The following LPP variants were observed in gnomAD, a reference collection of about 807,000 sequenced individuals.
LPP encodes lipoma-preferred partner.
A neutral mutation model predicts 60.4 loss-of-function variants in LPP; 38 were observed. That is an observed-to-expected ratio of 0.63 (90% CI 0.49 to 0.83). LPP has a LOEUF of 0.83. Among genes scored for constraint, LPP ranks in the 40% least tolerant of loss-of-function variants. LPP has a pLI of 0.00. For synonymous variants in LPP, 328 were observed against 290.8 expected (o/e 1.13, Z -1.30); for missense variants, 902 against 783.6 (o/e 1.15, Z -1.80).
At chr3:188,814,021 G>A (rs917169848) in intron 9 of LPP, among the ~76,000 whole-genome samples, 11 of 152,058 alleles carry the variant, frequency 7.2e-5, no homozygotes, top group Non-Finnish European at 4.4e-5. Context: ...GCAGTGAGCC[G>A]AGATTGTGCC....
intron 3 of LPP, among the ~76,000 whole-genome samples, chr3:188,366,153 G>C (rs905572593): frequency 6.6e-6 from 1 of 152,104 alleles, no homozygotes; most frequent in African/African-American, 2.4e-5. Flanking sequence ...TTCTGTGCCT[G>C]GCTTAGTTCC....
chr3:188,853,787 T>C (rs1291668134), intron 9 of LPP, among the ~76,000 whole-genome samples: 1 of 152,156 alleles, frequency 6.6e-6, no homozygotes, highest in African/African-American at 2.4e-5. Flanking sequence ...TAGCTTAAAC[T>C]GAACACAGAC....
chr3:188,250,710 TTTTC>T (rs1225678127), intron 2 of LPP, among the ~76,000 whole-genome samples: 1 of 148,726 alleles, frequency 6.7e-6, no homozygotes, highest in Non-Finnish European at 1.5e-5. Flanking sequence ...TTCCTCTTTC[TTTTC>T]TTTCTTTCTC....
intron 2 of LPP, among the ~76,000 whole-genome samples, chr3:188,256,270 A>T (rs1479943349): frequency 6.6e-6 from 1 of 152,212 alleles, no homozygotes; most frequent in Non-Finnish European, 1.5e-5. Flanking sequence ...ACCTTAGTTA[A>T]TGAATATTAG....
intron 2 of LPP, among the ~76,000 whole-genome samples, chr3:188,313,515 G>C (rs930029763): frequency 6.6e-6 from 1 of 151,980 alleles, no homozygotes; most frequent in African/African-American, 2.4e-5. Context: ...GCGGGCACCT[G>C]TAGTCCCAGC....
rs1769554077 is a variant in LPP at position 188,878,759 on chromosome 3, T to TAAAAAAAAAAAAAAAAGAA, written c.*4282_*4300dup. On this transcript the variant is annotated 3_prime_UTR_variant, in exon 12 of 12. Coordinates refer to ENST00000617246, the MANE Select transcript of LPP (RefSeq NM_001375462.1). ...ATATACTCACCAAAAAGTAAAAAAGTAAAAAAAAAAAAAAAAGAAAGAAAG... is the reference window on the plus strand; with the variant it reads ...ATATACTCACCAAAAAGTAAAAAAGTAAAAAAAAAAAAAAAAGAAAAAAAAAAAAAAAAAAGAAAGAAAG... The TAAAAAAAAAAAAAAAAGAA allele has an allele frequency of 6.5e-6, 1 of 153,928 alleles. No individual in the cohort carries two copies. Among genetic ancestry groups the TAAAAAAAAAAAAAAAAGAA allele is most frequent in the African/African-American group, 2.9e-5 (1 of 34,834 alleles). The allele number at this position is 153,928 out of a possible 1,614,324, so 9.5% of individuals were successfully genotyped here. A position where few individuals can be genotyped will look rare whatever the true frequency, so the allele number is the denominator to read the frequency against.
intron 1 of LPP, among the ~76,000 whole-genome samples, chr3:188,211,831 CTT>C (rs34294160): frequency 3.5e-5 from 5 of 144,646 alleles, no homozygotes; most frequent in South Asian, 2.2e-4. Context: ...TGTTCTTTTT[CTT>C]TTTTTTTTTT....
At chr3:188,726,981 A>G (rs572837494) in intron 8 of LPP, among the ~76,000 whole-genome samples, 3 of 152,272 alleles carry the variant, frequency 2.0e-5, no homozygotes, top group Non-Finnish European at 2.9e-5. Context: ...TTTAATCCAA[A>G]TCTCTTAGTT....
At chr3:188,493,650 C>G (rs1809050191) in intron 5 of LPP, among the ~76,000 whole-genome samples, 1 of 151,982 alleles carries the variant, frequency 6.6e-6, no homozygotes. Flanking sequence ...GCTATTTTGG[C>G]CAGGCTGATC....
intron 7 of LPP, among the ~76,000 whole-genome samples, chr3:188,625,577 A>G (rs186245019): frequency 8.9e-4 from 135 of 152,272 alleles, no homozygotes; most frequent in Admixed American, 1.7e-3. Flanking sequence ...TACTATATAG[A>G]TCATTGAATC....
At chr3:188,642,078 T>G (rs989222073) in intron 7 of LPP, among the ~76,000 whole-genome samples, 1 of 151,040 alleles carries the variant, frequency 6.6e-6, no homozygotes, top group African/African-American at 2.4e-5. Flanking sequence ...TACTTCATAT[T>G]CATGAGCCTG....
At chr3:188,681,137 C>G (rs1490796126) in intron 7 of LPP, among the ~76,000 whole-genome samples, 1 of 152,000 alleles carries the variant, frequency 6.6e-6, no homozygotes, top group East Asian at 1.9e-4. Flanking sequence ...GCTGGGACTA[C>G]AGGTGCACAC....
At chr3:188,732,042 G>A (rs143461149) in intron 8 of LPP, among the ~76,000 whole-genome samples, 23 of 152,260 alleles carry the variant, frequency 1.5e-4, no homozygotes, top group Non-Finnish European at 2.4e-4. Context: ...TGTTCACCCC[G>A]ACTCCCATCC....
intron 3 of LPP, among the ~76,000 whole-genome samples, chr3:188,385,835 T>C (rs1169507529): frequency 6.6e-6 from 1 of 152,184 alleles, no homozygotes; most frequent in Non-Finnish European, 1.5e-5. Flanking sequence ...TGATAAAGTC[T>C]GCATTAGAAA....
intron 7 of LPP, among the ~76,000 whole-genome samples, chr3:188,667,171 G>A (rs1326646570): frequency 6.6e-6 from 1 of 152,104 alleles, no homozygotes; most frequent in African/African-American, 2.4e-5. Flanking sequence ...GGAAGGATGT[G>A]AGTCCTAAAA....
In LPP at chr3:188,888,655, C is replaced by T; in HGVS notation, c.*14176C>T. 4.5e-6 allele frequency: 1 copy of T among 221,836 alleles called. No homozygotes were observed. The highest frequency in any genetic ancestry group is 6.6e-5 in the East Asian group (1 of 15,250). 13.7% of individuals were successfully genotyped at this position (221,836 alleles called of 1,614,324 possible). On this transcript the variant is annotated 3_prime_UTR_variant, in exon 12 of 12. Transcript: ENST00000617246. ...ATTCTGAGCAACATAAACGTTATTCCTTACATATGTATGTACACACGGTAC... is the reference window on the plus strand; with the variant it reads ...ATTCTGAGCAACATAAACGTTATTCTTTACATATGTATGTACACACGGTAC...
intron 5 of LPP, among the ~76,000 whole-genome samples, chr3:188,502,287 T>C (rs556153727): frequency 6.6e-6 from 1 of 152,346 alleles, no homozygotes; most frequent in African/African-American, 2.4e-5. Flanking sequence ...ATTTTGATGA[T>C]CTTTTATTAG....
chr3:188,800,874 G>T (rs1349396621), intron 9 of LPP, among the ~76,000 whole-genome samples: 1 of 151,894 alleles, frequency 6.6e-6, no homozygotes, highest in African/African-American at 2.4e-5. Flanking sequence ...GTTTTGTTTT[G>T]TTTCTTTTTG....
chr3:188,837,891 G>A (rs1000377994), intron 9 of LPP, among the ~76,000 whole-genome samples: 4 of 152,134 alleles, frequency 2.6e-5, no homozygotes, highest in African/African-American at 9.7e-5. Context: ...AATCCTGGCA[G>A]TGTGTTCTTT....
Sources: gnomAD v4.1 joint callset for allele counts (sites outside exome capture counted in the v4.1 genomes callset) on GRCh38, gnomAD v4.1.1 for gene constraint, MANE v1.5 for transcripts, NCBI Gene and HGNC (gene_info 2026-07-23, HGNC 2026-07-21) for gene names.